MAML3: variants seen among roughly 807,000 people sequenced by gnomAD.
MAML3 encodes mastermind-like protein 3.
MAML3 carries 27 observed loss-of-function variants against 101.9 expected under a neutral mutation model. The observed-to-expected ratio is 0.27, with a 90% CI of 0.20 to 0.37. MAML3 has a LOEUF of 0.37. Ranked by LOEUF, MAML3 falls within the 10% of genes least tolerant of loss-of-function variation. MAML3 has a pLI of 1.00. For synonymous variants in MAML3, 501 were observed against 555.9 expected (o/e 0.90, Z 1.39); for missense variants, 1,316 against 1,444.9 (o/e 0.91, Z 1.45).
intron 2 of MAML3, among the ~76,000 whole-genome samples, chr4:139,798,666 G>A (rs1236226523): frequency 6.6e-6 from 1 of 152,164 alleles, no homozygotes. Flanking sequence ...TAGTCTATGA[G>A]GTAAAACAGG....
intron 2 of MAML3, among the ~76,000 whole-genome samples, chr4:139,818,469 T>G (rs890991817): frequency 1.3e-5 from 2 of 152,202 alleles, no homozygotes; most frequent in Non-Finnish European, 2.9e-5. Flanking sequence ...ATCTCTTCCA[T>G]GAGATTTTTT....
At chr4:140,096,681 G>T (rs184617964) in intron 1 of MAML3, among the ~76,000 whole-genome samples, 52 of 152,206 alleles carry the variant, frequency 3.4e-4, no homozygotes, top group African/African-American at 1.2e-3. Flanking sequence ...AACCTTAAAA[G>T]AACACAAAGT....
At chr4:139,821,789 G>A (rs1050746362) in intron 2 of MAML3, among the ~76,000 whole-genome samples, 23 of 152,164 alleles carry the variant, frequency 1.5e-4, no homozygotes, top group African/African-American at 5.6e-4. Flanking sequence ...TACATAATGT[G>A]GACAATAGTG....
At chr4:139,882,653 A>T (rs577467064) in intron 2 of MAML3, among the ~76,000 whole-genome samples, 1 of 152,312 alleles carries the variant, frequency 6.6e-6, no homozygotes, top group East Asian at 1.9e-4. Context: ...GTTTGAGACC[A>T]TCCTGGCCAA....
At chr4:140,003,052 G>A (rs552931823) in intron 1 of MAML3, among the ~76,000 whole-genome samples, 1 of 152,298 alleles carries the variant, frequency 6.6e-6, no homozygotes, top group East Asian at 1.9e-4. Flanking sequence ...ATTCAACTTG[G>A]TGGATGGTTC....
intron 1 of MAML3, among the ~76,000 whole-genome samples, chr4:139,999,837 T>C (rs1251021300): frequency 6.6e-6 from 1 of 152,224 alleles, no homozygotes; most frequent in East Asian, 1.9e-4. Context: ...GGTTAAGCCA[T>C]TTGGGGCCTC....
intron 2 of MAML3, among the ~76,000 whole-genome samples, chr4:139,762,656 C>T (rs571354697): frequency 6.6e-6 from 1 of 152,326 alleles, no homozygotes; most frequent in South Asian, 2.1e-4. Flanking sequence ...CTTATGTTTG[C>T]AGGCAGGCCT....
chr4:139,807,795 A>G (rs531036649), intron 2 of MAML3, among the ~76,000 whole-genome samples: 1 of 152,372 alleles, frequency 6.6e-6, no homozygotes, highest in East Asian at 1.9e-4. Flanking sequence ...TATTAGCTTG[A>G]CAAAGCTAAT....
At chr4:139,939,652 G>C (rs528139746) in intron 1 of MAML3, among the ~76,000 whole-genome samples, 1 of 151,900 alleles carries the variant, frequency 6.6e-6, no homozygotes, top group South Asian at 2.1e-4. Flanking sequence ...ATTGTTATTT[G>C]TGACTTTTTT....
intron 1 of MAML3, among the ~76,000 whole-genome samples, chr4:140,040,714 T>C (rs1727071741): frequency 6.6e-6 from 1 of 152,236 alleles, no homozygotes; most frequent in African/African-American, 2.4e-5. Flanking sequence ...ATGTCTTTCC[T>C]ACTGACCTTA....
intron 1 of MAML3, among the ~76,000 whole-genome samples, chr4:140,110,443 G>A (rs1033109784): frequency 2.0e-5 from 3 of 152,150 alleles, no homozygotes; most frequent in South Asian, 4.1e-4. Context: ...AGATGGATAC[G>A]CTCTAATAAT....
intron 2 of MAML3, among the ~76,000 whole-genome samples, chr4:139,829,006 G>A (rs1219096480): frequency 1.5e-5 from 2 of 135,330 alleles, no homozygotes; most frequent in African/African-American, 5.9e-5. Flanking sequence ...AGGAAGGAAG[G>A]AAGGAAGGAA....
At chr4:140,043,027 A>AAAAAAC (rs1560875462) in intron 1 of MAML3, among the ~76,000 whole-genome samples, 4 of 151,890 alleles carry the variant, frequency 2.6e-5, no homozygotes, top group Middle Eastern at 3.4e-3. Context: ...GATTTTTTTT[A>AAAAAAC]AAAAAACAAA....
chr4:139,935,177 G>C (rs182846544), intron 1 of MAML3, among the ~76,000 whole-genome samples: 1 of 150,520 alleles, frequency 6.6e-6, no homozygotes, highest in East Asian at 2.0e-4. Context: ...CAGCCTTCCA[G>C]GCAGATGCAG....
intron 1 of MAML3, among the ~76,000 whole-genome samples, chr4:140,035,410 A>G (rs181589673): frequency 1.8e-4 from 28 of 152,320 alleles, no homozygotes; most frequent in Middle Eastern, 3.4e-3. Context: ...ATCCAATAGT[A>G]TAATTACTGC....
intron 2 of MAML3, chr4:139,731,002 C>G (rs1270671269): frequency 1.3e-5 from 4 of 305,404 alleles, no homozygotes; most frequent in Non-Finnish European, 2.5e-5. Flanking sequence ...AGCCCTCAGG[C>G]TGAGCTCACC....
intron 2 of MAML3, among the ~76,000 whole-genome samples, chr4:139,836,017 C>CACA: frequency 2.0e-5 from 3 of 152,252 alleles, no homozygotes; most frequent in African/African-American, 7.2e-5. Flanking sequence ...GCCAATGGGA[C>CACA]TGTGCAGGAG....
intron 1 of MAML3, among the ~76,000 whole-genome samples, chr4:139,940,153 C>T (rs1444388066): frequency 6.6e-6 from 1 of 152,188 alleles, no homozygotes. Flanking sequence ...AGCTCTTTCA[C>T]ATTGTTTCAA....
chr4:139,905,040 G>A (rs1332558439), intron 1 of MAML3, among the ~76,000 whole-genome samples: 1 of 152,268 alleles, frequency 6.6e-6, no homozygotes, highest in African/African-American at 2.4e-5. Flanking sequence ...TTGAGCCAGA[G>A]TGTAGGGCAG....
Sources: gnomAD v4.1 joint callset for allele counts (sites outside exome capture counted in the v4.1 genomes callset) on GRCh38, gnomAD v4.1.1 for gene constraint, MANE v1.5 for transcripts, NCBI Gene and HGNC (gene_info 2026-07-23, HGNC 2026-07-21) for gene names.